CBLB: variants seen among roughly 807,000 people sequenced by gnomAD.
CBLB encodes Cbl proto-oncogene B, also known as E3 ubiquitin-protein ligase CBL-B.
In CBLB, 31 loss-of-function variants were observed where a neutral mutation model predicts 104.9. That is an observed-to-expected ratio of 0.30 (90% confidence interval 0.22 to 0.40). The LOEUF is 0.40. Ranked by LOEUF, CBLB falls within the 10% of genes least tolerant of loss-of-function variation. The probability of loss-of-function intolerance (pLI) is 1.00; values close to 1 mark genes in which losing one functional copy is unlikely to be tolerated. For synonymous variants in CBLB, 440 were observed against 422.6 expected (o/e 1.04, Z -0.51); for missense variants, 1,062 against 1,214.6 (o/e 0.87, Z 1.87).
At chr3:105,712,269 T>C (rs984426390) in intron 10 of CBLB, among the ~76,000 whole-genome samples, 1 of 152,188 alleles carries the variant, frequency 6.6e-6, no homozygotes, top group Non-Finnish European at 1.5e-5. Context: ...AAATTTATGG[T>C]TCTCTTCTCT....
intron 13 of CBLB, 23 bp downstream of exon 13, chr3:105,693,471 T>C: frequency 6.7e-7 from 1 of 1,495,008 alleles, no homozygotes; most frequent in Non-Finnish European, 9.3e-7. Flanking sequence ...AGACAAGTGA[T>C]CTCCAAATTC....
rs373455537 is a variant in CBLB, at chr3:105,816,599, G to A, written c.419+36815C>T. 3.9e-5 allele frequency among the ~76,000 whole-genome samples: 6 copies of A among 152,264 alleles called. No homozygotes were observed. In the South Asian group the frequency reaches 1.2e-3, roughly 32 times the overall value. ...GTTTACAAAAAAAGAGAAGCAAAAT[G>A]CAGTATTTTTAGAACTACAGGAGTA... On this transcript the variant is annotated intron_variant, in intron 3 of 18. Transcript: ENST00000394030.
At chr3:105,732,979 C>CA (rs764908655) in intron 9 of CBLB, among the ~76,000 whole-genome samples, 4 of 152,140 alleles carry the variant, frequency 2.6e-5, no homozygotes, top group Non-Finnish European at 5.9e-5. Flanking sequence ...ATGGCTTGAT[C>CA]AAAATATTCC....
In CBLB at chr3:105,684,645, C is replaced by A. The variant is rs1451875983; in HGVS notation, c.2201+675G>T. The stretch of plus-strand genomic sequence containing the variant: ...TCGGCTCACTGCAACCTCCGCCTCC[C>A]GGGTTCAAGCGATTCTCCTGCCTCA... On this transcript the variant is annotated intron_variant, in intron 14 of 18. Transcript: ENST00000394030. Among the ~76,000 whole-genome samples, 7 of 152,026 alleles carry A rather than the reference C, an allele frequency of 4.6e-5. No individual in the cohort carries two copies. The East Asian group carries it at 1.2e-3, about 25-fold the overall frequency.
intron 3 of CBLB, among the ~76,000 whole-genome samples, chr3:105,793,452 C>A (rs2081920160): frequency 7.0e-6 from 1 of 142,478 alleles, no homozygotes; most frequent in Non-Finnish European, 1.5e-5. Context: ...CCTCTGGTTT[C>A]CAGATGCTTT....
At chr3:105,807,421 T>C (rs1272804012) in intron 3 of CBLB, among the ~76,000 whole-genome samples, 2 of 152,150 alleles carry the variant, frequency 1.3e-5, no homozygotes, top group Non-Finnish European at 2.9e-5. Flanking sequence ...AGTGATATTA[T>C]TGCACTAACT....
At chr3:105,739,608 A>G (rs1389173478) in intron 7 of CBLB, among the ~76,000 whole-genome samples, 1 of 152,200 alleles carries the variant, frequency 6.6e-6, no homozygotes, top group Non-Finnish European at 1.5e-5. Context: ...TAATCTAAAA[A>G]ACAAAGGGAA....
intron 3 of CBLB, among the ~76,000 whole-genome samples, chr3:105,848,403 G>A (rs1313473551): frequency 6.6e-6 from 1 of 151,876 alleles, no homozygotes; most frequent in Non-Finnish European, 1.5e-5. Flanking sequence ...TTCTACACAG[G>A]ACCTAAGTAA....
chr3:105,779,738 T>C (rs2079934400), intron 3 of CBLB, among the ~76,000 whole-genome samples: 2 of 152,172 alleles, frequency 1.3e-5, no homozygotes, highest in South Asian at 4.1e-4. Flanking sequence ...TCATTTAAAT[T>C]TGTTATCATA....
intron 10 of CBLB, among the ~76,000 whole-genome samples, chr3:105,715,975 G>A (rs974443009): frequency 6.6e-6 from 1 of 152,184 alleles, no homozygotes; most frequent in Admixed American, 6.5e-5. Flanking sequence ...GGAGGCAGAG[G>A]TTGCAGTGAA....
intron 3 of CBLB, among the ~76,000 whole-genome samples, chr3:105,820,339 A>T (rs2085660248): frequency 6.6e-6 from 1 of 152,296 alleles, no homozygotes; most frequent in East Asian, 1.9e-4. Context: ...CCAGTTCCTG[A>T]TATCGGTATC....
chr3:105,775,394 G>A (rs1053631751), intron 4 of CBLB, among the ~76,000 whole-genome samples: 1 of 149,344 alleles, frequency 6.7e-6, no homozygotes, highest in African/African-American at 2.5e-5. Flanking sequence ...AACAAACAAA[G>A]GAAAACCAAT....
chr3:105,866,475 C>G (rs2092433392), intron 2 of CBLB, among the ~76,000 whole-genome samples: 1 of 151,988 alleles, frequency 6.6e-6, no homozygotes, highest in Non-Finnish European at 1.5e-5. Context: ...TATAATTGGC[C>G]CCAGATATCT....
intron 17 of CBLB, chr3:105,673,807 G>C (rs1015644421): frequency 6.6e-6 from 1 of 152,120 alleles, no homozygotes; most frequent in Non-Finnish European, 1.5e-5. Flanking sequence ...CCTACCTTCT[G>C]AAGTGACATG....
At chr3:105,783,305 GTTAT>G (rs1384082763) in intron 3 of CBLB, among the ~76,000 whole-genome samples, 2 of 152,116 alleles carry the variant, frequency 1.3e-5, no homozygotes, top group Non-Finnish European at 2.9e-5. Context: ...CAATAAGTAA[GTTAT>G]TTATCATTAA....
intron 2 of CBLB, among the ~76,000 whole-genome samples, chr3:105,862,250 A>G (rs1208493215): frequency 6.6e-6 from 1 of 152,196 alleles, no homozygotes; most frequent in Non-Finnish European, 1.5e-5. Context: ...CTTGAACTGT[A>G]CACTTAATTT....
intron 18 of CBLB, among the ~76,000 whole-genome samples, chr3:105,660,472 G>A (rs1003933518): frequency 1.3e-5 from 2 of 152,048 alleles, no homozygotes; most frequent in African/African-American, 4.8e-5. Flanking sequence ...GATTACAGGA[G>A]TGAGCCACCG....
In CBLB at chr3:105,678,442, AG is replaced by A; in HGVS notation, c.2557del (p.Leu853PhefsTer10). ...SRPSSGQDLF[L>X]LPSDPFVDLA... ...CTTTTCCCTCCTACCTGAAGGAAGA[AG>A]AAAAAGATCCTGTCCTGAGGATGGC... On this transcript the variant is annotated frameshift_variant, in exon 17 of 19. Transcript: ENST00000394030. LOFTEE classifies it high-confidence loss of function. The A allele has an allele frequency of 6.2e-7, 1 of 1,614,056 alleles. No individual in the cohort carries two copies. The highest frequency in any genetic ancestry group is 8.5e-7 in the Non-Finnish European group (1 of 1,179,952).
chr3:105,660,292 C>G (rs1466749884), intron 18 of CBLB, among the ~76,000 whole-genome samples: 5 of 152,054 alleles, frequency 3.3e-5, no homozygotes, highest in African/African-American at 4.8e-5. Context: ...TCAAGCAATT[C>G]TACTACCGCC....
Sources: gnomAD v4.1 joint callset for allele counts (sites outside exome capture counted in the v4.1 genomes callset) on GRCh38, gnomAD v4.1.1 for gene constraint, MANE v1.5 for transcripts, NCBI Gene and HGNC (gene_info 2026-07-23, HGNC 2026-07-21) for gene names.